The following LPP variants were observed in gnomAD, a reference collection of about 807,000 sequenced individuals.
The protein encoded by LPP is LIM domain containing preferred translocation partner in lipoma.
In LPP, 38 loss-of-function variants were observed where a neutral mutation model predicts 60.4. The ratio of observed to expected loss-of-function variants is 0.63; its 90% CI spans 0.49 to 0.83. The LOEUF is 0.83. Among genes scored for constraint, LPP ranks in the 40% least tolerant of loss-of-function variants. The probability of loss-of-function intolerance (pLI) is 0.00; values close to 1 mark genes in which losing one functional copy is unlikely to be tolerated. For missense variants in LPP, 902 were observed against 783.6 expected (o/e 1.15, Z -1.80); for synonymous variants, 328 against 290.8 (o/e 1.13, Z -1.30).
chr3:188,277,786 A>T (rs1359659305), intron 2 of LPP, among the ~76,000 whole-genome samples: 1 of 152,162 alleles, frequency 6.6e-6, no homozygotes, highest in Non-Finnish European at 1.5e-5. Context: ...AAATGCCGAG[A>T]CATGACCTCC....
At chr3:188,678,683 T>A (rs1391772141) in intron 7 of LPP, among the ~76,000 whole-genome samples, 2 of 152,196 alleles carry the variant, frequency 1.3e-5, no homozygotes, top group Admixed American at 1.3e-4. Context: ...CTGTGAACAT[T>A]TTTTGGGCAC....
chr3:188,461,166 T>C (rs943165201), intron 4 of LPP, among the ~76,000 whole-genome samples: 2 of 152,108 alleles, frequency 1.3e-5, no homozygotes, highest in Admixed American at 1.3e-4. Context: ...TGGGGGATGG[T>C]GAGCTCCTTC....
chr3:188,458,655 A>T (rs1579055369), intron 4 of LPP, among the ~76,000 whole-genome samples: 1 of 152,292 alleles, frequency 6.6e-6, no homozygotes, highest in East Asian at 1.9e-4. Flanking sequence ...ATAGTCTCAG[A>T]TATTACGTCA....
chr3:188,687,084 T>G (rs143988101), intron 7 of LPP, among the ~76,000 whole-genome samples: 1 of 152,202 alleles, frequency 6.6e-6, no homozygotes, highest in Non-Finnish European at 1.5e-5. Context: ...TGTGTATGAG[T>G]CTTTAAATGA....
chr3:188,288,656 A>G (rs1744849812), intron 2 of LPP, among the ~76,000 whole-genome samples: 1 of 152,126 alleles, frequency 6.6e-6, no homozygotes, highest in East Asian at 1.9e-4. Context: ...ATGCACACAC[A>G]TCTATGCATA....
intron 3 of LPP, among the ~76,000 whole-genome samples, chr3:188,369,643 G>A (rs965179722): frequency 6.6e-6 from 1 of 152,112 alleles, no homozygotes; most frequent in Non-Finnish European, 1.5e-5. Flanking sequence ...TTTGAGCTAG[G>A]TACTGTTTTA....
At chr3:188,276,695 T>TCTCTCTC (rs1739908128) in intron 2 of LPP, among the ~76,000 whole-genome samples, 16 of 16,418 alleles carry the variant, frequency 9.7e-4, no homozygotes, top group African/African-American at 7.0e-3. Flanking sequence ...CTCTCTCTCT[T>TCTCTCTC]TCTCTCTCTC....
At chr3:188,160,777 T>C (rs1208270756) in intron 1 of LPP, among the ~76,000 whole-genome samples, 1 of 152,238 alleles carries the variant, frequency 6.6e-6, no homozygotes, top group African/African-American at 2.4e-5. Flanking sequence ...TGAGATAGGC[T>C]CTGCCTTCCA....
At chr3:188,849,948 T>G (rs894630555) in intron 9 of LPP, among the ~76,000 whole-genome samples, 5 of 152,194 alleles carry the variant, frequency 3.3e-5, no homozygotes, top group Non-Finnish European at 7.3e-5. Flanking sequence ...TGGCTATCCA[T>G]AGCGGACATG....
At chr3:188,484,490 T>C in intron 4 of LPP, 102 bp from the exon 5 acceptor site, 2 of 761,454 alleles carry the variant, frequency 2.6e-6, no homozygotes, top group South Asian at 1.7e-5. Context: ...CAAAATTATG[T>C]GTCAAAGCCA....
intron 6 of LPP, among the ~76,000 whole-genome samples, chr3:188,550,484 A>C (rs1167786215): frequency 6.7e-6 from 1 of 148,242 alleles, no homozygotes; most frequent in African/African-American, 2.5e-5. Flanking sequence ...AGGCTGAGGC[A>C]GGAGAATCGC....
Position 188,846,454 on chromosome 3 carries a change from C to T in LPP, c.1411-19746C>T, listed in dbSNP as rs545547502. Among the ~76,000 whole-genome samples the T allele has an allele frequency of 1.0e-3, 157 of 152,068 alleles. 1 individual carries two copies. The highest frequency in any genetic ancestry group is 3.5e-3 in the African/African-American group (144 of 41,502). On this transcript the variant is annotated intron_variant, in intron 9 of 11. Coordinates refer to ENST00000617246, the MANE Select transcript of LPP (RefSeq NM_001375462.1). ...ATCCCAGCACTTTGGGAGGCTGAGG[C>T]GGGCGGATCACGTGAGGTCAGGGGT...
At chr3:188,669,541 A>G (rs1278347968) in intron 7 of LPP, among the ~76,000 whole-genome samples, 1 of 152,126 alleles carries the variant, frequency 6.6e-6, no homozygotes, top group Non-Finnish European at 1.5e-5. Context: ...GCACCACTGC[A>G]CTCCAGCCTG....
intron 2 of LPP, among the ~76,000 whole-genome samples, chr3:188,258,540 C>T (rs899545966): frequency 6.6e-6 from 1 of 152,140 alleles, no homozygotes; most frequent in Non-Finnish European, 1.5e-5. Context: ...AGGCTGGTCT[C>T]GAACTCCTGG....
At chr3:188,436,254 A>G (rs944242072) in intron 4 of LPP, among the ~76,000 whole-genome samples, 5 of 152,178 alleles carry the variant, frequency 3.3e-5, no homozygotes, top group Non-Finnish European at 5.9e-5. Flanking sequence ...TTCTGACCCA[A>G]GGGAGATAAG....
At chr3:188,727,808 C>G (rs1577224041) in intron 8 of LPP, among the ~76,000 whole-genome samples, 1 of 152,156 alleles carries the variant, frequency 6.6e-6, no homozygotes, top group East Asian at 1.9e-4. Flanking sequence ...CAGTTCAGTA[C>G]CTTGTCCAAG....
At chr3:188,495,505 G>A (rs938660938) in intron 5 of LPP, among the ~76,000 whole-genome samples, 4 of 151,878 alleles carry the variant, frequency 2.6e-5, no homozygotes, top group Admixed American at 2.0e-4. Flanking sequence ...AAATCATTTC[G>A]GTGACTTTTT....
chr3:188,445,662 A>G (rs1795059286), intron 4 of LPP, among the ~76,000 whole-genome samples: 1 of 152,292 alleles, frequency 6.6e-6, no homozygotes, highest in African/African-American at 2.4e-5. Flanking sequence ...TAAAAAAGAC[A>G]TTGATTCATT....
At chr3:188,240,205 T>C (rs1723550711) in intron 2 of LPP, 4 of 179,404 alleles carry the variant, frequency 2.2e-5, no homozygotes, top group Admixed American at 6.3e-5. Context: ...TTCATTTTCC[T>C]TTCATAAACT....
Sources: allele counts gnomAD v4.1 joint callset (sites outside exome capture counted in the v4.1 genomes callset), GRCh38; gene constraint gnomAD v4.1.1; transcripts MANE v1.5; gene names NCBI Gene and HGNC (gene_info 2026-07-23, HGNC 2026-07-21).